The following SYN3 variants were observed in gnomAD, a reference collection of about 807,000 sequenced individuals.
SYN3 encodes synapsin-3.
A neutral mutation model predicts 65.8 loss-of-function variants in SYN3; 35 were observed. The ratio of observed to expected loss-of-function variants is 0.53; its 90% CI spans 0.41 to 0.70. The LOEUF is 0.70. SYN3 is among the 30% of genes least tolerant of loss of function. SYN3 has a pLI of 0.00. For missense variants in SYN3, 680 were observed against 749.0 expected, an observed-to-expected ratio of 0.91 and a Z score of 1.08; for synonymous variants, 270 against 292.9, an observed-to-expected ratio of 0.92 and a Z score of 0.80.
intron 3 of SYN3, among the ~76,000 whole-genome samples, chr22:32,975,149 G>C (rs1051551979): frequency 6.6e-5 from 10 of 152,094 alleles, no homozygotes; most frequent in African/African-American, 9.7e-5. Context: ...GGCTCAGGCG[G>C]GTGGATCATG....
At chr22:33,048,329 T>C (rs1291623928) in intron 1 of SYN3, among the ~76,000 whole-genome samples, 1 of 152,192 alleles carries the variant, frequency 6.6e-6, no homozygotes, top group African/African-American at 2.4e-5. Flanking sequence ...CATGAGGGTA[T>C]GGCAACACTG....
At chr22:32,515,446 C>T (rs1442192727) in intron 13 of SYN3, among the ~76,000 whole-genome samples, 1 of 152,178 alleles carries the variant, frequency 6.6e-6, no homozygotes, top group Non-Finnish European at 1.5e-5. Context: ...GGCAACTTAT[C>T]TGAGGTTGTG....
At chr22:32,988,867 G>A (rs1345809647) in intron 2 of SYN3, among the ~76,000 whole-genome samples, 1 of 152,090 alleles carries the variant, frequency 6.6e-6, no homozygotes, top group Non-Finnish European at 1.5e-5. Flanking sequence ...GTTCCTGGGT[G>A]TGTCCTTTAA....
chr22:32,679,048 C>CTTTTTTTTTTTTTTTTTTT (rs145971116), intron 6 of SYN3, among the ~76,000 whole-genome samples: 102 of 85,658 alleles, frequency 1.2e-3, no homozygotes, highest in East Asian at 2.0e-3. Flanking sequence ...TTGTTTCTTT[C>CTTTTTTTTTTTTTTTTTTT]TTTTTTTTTT....
At chr22:33,046,563 C>T (rs1193830549) in intron 1 of SYN3, among the ~76,000 whole-genome samples, 1 of 151,922 alleles carries the variant, frequency 6.6e-6, no homozygotes, top group Non-Finnish European at 1.5e-5. Context: ...ACCCAAAATA[C>T]AAAAAATTAG....
chr22:33,025,516 C>T (rs1328374531), intron 1 of SYN3, among the ~76,000 whole-genome samples: 1 of 151,178 alleles, frequency 6.6e-6, no homozygotes, highest in Non-Finnish European at 1.5e-5. Context: ...TGCCTGTAAT[C>T]CCAGCTACTC....
intron 3 of SYN3, among the ~76,000 whole-genome samples, chr22:32,976,033 G>C (rs1396484731): frequency 6.6e-6 from 1 of 152,194 alleles, no homozygotes; most frequent in African/African-American, 2.4e-5. Flanking sequence ...GTGCATGTGA[G>C]AAAATATAAA....
At chr22:32,782,463 A>C (rs1320645431) in intron 6 of SYN3, among the ~76,000 whole-genome samples, 1 of 151,016 alleles carries the variant, frequency 6.6e-6, no homozygotes, top group Non-Finnish European at 1.5e-5. Context: ...TGGCCTCCCA[A>C]GGTGTTGGGA....
chr22:32,534,719 G>A (rs970870422), intron 9 of SYN3, among the ~76,000 whole-genome samples: 5 of 152,176 alleles, frequency 3.3e-5, no homozygotes, highest in Non-Finnish European at 7.3e-5. Flanking sequence ...AGGGTCACAC[G>A]GGGCACGCCT....
chr22:32,743,612 A>G (rs367798084), intron 6 of SYN3, among the ~76,000 whole-genome samples: 5 of 152,228 alleles, frequency 3.3e-5, no homozygotes, highest in East Asian at 3.9e-4. Flanking sequence ...CCACTTGCCC[A>G]CCTGAGCTAG....
At chr22:33,033,817 G>A (rs2053799921) in intron 1 of SYN3, among the ~76,000 whole-genome samples, 1 of 152,138 alleles carries the variant, frequency 6.6e-6, no homozygotes, top group Non-Finnish European at 1.5e-5. Flanking sequence ...GACTTGTCCA[G>A]GGTCACTCAG....
At chr22:32,670,883 G>C (rs572973015) in intron 6 of SYN3, among the ~76,000 whole-genome samples, 1 of 152,234 alleles carries the variant, frequency 6.6e-6, no homozygotes, top group African/African-American at 2.4e-5. Context: ...GGCATGGGGG[G>C]ATTCCCCCCT....
chr22:32,540,982 T>C (rs1408692370), intron 8 of SYN3, among the ~76,000 whole-genome samples: 1 of 152,228 alleles, frequency 6.6e-6, no homozygotes, highest in East Asian at 1.9e-4. Flanking sequence ...AAATTGATAA[T>C]TGAGTTGGGA....
At chr22:32,639,204 C>T (rs1288794976) in intron 6 of SYN3, among the ~76,000 whole-genome samples, 2 of 152,158 alleles carry the variant, frequency 1.3e-5, no homozygotes, top group Admixed American at 6.5e-5. Flanking sequence ...CCACCCGCCT[C>T]GGCCTCCCAA....
At position 32,825,657 on chromosome 22, in the gene SYN3, CAAAAAAAAAAAAAAAAAAAAA is replaced by C. The variant is rs130292; in HGVS notation, c.711+39237_711+39257del. Among the ~76,000 whole-genome samples the C allele has an allele frequency of 3.5e-4, 10 of 28,560 alleles. 1 individual carries two copies. Among genetic ancestry groups the C allele is most frequent in the Admixed American group, 2.8e-3 (4 of 1,424 alleles). 18.7% of individuals were successfully genotyped at this position (28,560 alleles called of 152,430 possible). ...TGGGCGACAGAGCGAGTTTCCATCT[CAAAAAAAAAAAAAAAAAAAAA>C]AAAAAAAAAAAAAAAAAAAGATGTG... On this transcript the variant is annotated intron_variant, in intron 6 of 13. Coordinates refer to ENST00000358763, the MANE Select transcript of SYN3 (RefSeq NM_003490.4).
chr22:32,555,153 C>G (rs548126522), intron 7 of SYN3, among the ~76,000 whole-genome samples: 2 of 152,232 alleles, frequency 1.3e-5, no homozygotes, highest in East Asian at 3.9e-4. Flanking sequence ...GGAAGAGAGT[C>G]TAGGCCGAGG....
At chr22:32,712,885 C>T (rs1292022618) in intron 6 of SYN3, among the ~76,000 whole-genome samples, 2 of 152,030 alleles carry the variant, frequency 1.3e-5, no homozygotes, top group Non-Finnish European at 2.9e-5. Context: ...ACCTTCATAC[C>T]AAAGCTTCTT....
chr22:32,644,104 C>G lies in SYN3; in HGVS notation c.712-47368G>C, dbSNP rs1332995558. Among the ~76,000 whole-genome samples, 25 of 89,450 alleles carry G rather than the reference C, an allele frequency of 2.8e-4. 5 individuals carry two copies. Among genetic ancestry groups the G allele is most frequent in the East Asian group, 8.2e-4 (2 of 2,442 alleles). 58.7% of individuals were successfully genotyped at this position (89,450 alleles called of 152,430 possible). A position where few individuals can be genotyped will look rare whatever the true frequency, so the allele number is the denominator to read the frequency against. On this transcript the variant is annotated intron_variant, in intron 6 of 13. Coordinates refer to ENST00000358763, the MANE Select transcript of SYN3 (RefSeq NM_003490.4). ...AAAAAAAAAAAAAAAAAAAAAAAAG[C>G]GACAAGACTGACTGATGATGGGAGA...
chr22:32,868,039 G>A (rs1467247343), intron 5 of SYN3, among the ~76,000 whole-genome samples: 2 of 152,200 alleles, frequency 1.3e-5, no homozygotes, highest in African/African-American at 4.8e-5. Context: ...CACTCACTGA[G>A]CAAGTTCCTT....
Sources: allele counts gnomAD v4.1 joint callset (sites outside exome capture counted in the v4.1 genomes callset), GRCh38; gene constraint gnomAD v4.1.1; transcripts MANE v1.5; gene names NCBI Gene and HGNC (gene_info 2026-07-23, HGNC 2026-07-21).